Variants in RIC8B observed in about 807,000 individuals in gnomAD.
RIC8B encodes chaperone Ric-8B.
In RIC8B, 16 loss-of-function variants were observed where a neutral mutation model predicts 57.5. The ratio of observed to expected loss-of-function variants is 0.28; its 90% CI spans 0.19 to 0.42. The LOEUF (loss-of-function observed/expected upper bound fraction) is 0.42, where lower values mean the gene tolerates loss of function less well. Among genes scored for constraint, RIC8B ranks in the 10% least tolerant of loss-of-function variants. The pLI, the probability that RIC8B is intolerant of heterozygous loss-of-function variation, is 1.00. For synonymous variants in RIC8B, 216 were observed against 250.8 expected (o/e 0.86, Z 1.31); for missense variants, 481 against 677.0 (o/e 0.71, Z 3.21).
chr12:106,793,924 G>A (rs2044363532), intron 2 of RIC8B, among the ~76,000 whole-genome samples: 1 of 143,088 alleles, frequency 7.0e-6, no homozygotes. Flanking sequence ...GTTTCCATGG[G>A]CGGGGTGGGG....
chr12:106,840,781 G>A (rs1421423219), intron 4 of RIC8B, among the ~76,000 whole-genome samples: 1 of 152,074 alleles, frequency 6.6e-6, no homozygotes, highest in African/African-American at 2.4e-5. Context: ...AATTTAAAGG[G>A]GAAACATTCC....
chr12:106,787,632 A>G (rs772085973), intron 2 of RIC8B, among the ~76,000 whole-genome samples: 2 of 152,118 alleles, frequency 1.3e-5, no homozygotes, highest in African/African-American at 4.8e-5. Flanking sequence ...CCCTGCTTGC[A>G]TGGTGGTGGC....
intron 9 of RIC8B, among the ~76,000 whole-genome samples, chr12:106,874,322 G>T (rs546730087): frequency 3.7e-4 from 57 of 152,174 alleles, no homozygotes; most frequent in Non-Finnish European, 6.0e-4. Flanking sequence ...TCGTTATTGT[G>T]CTAAGAGTGT....
At chr12:106,832,872 A>G (rs1230028643) in intron 4 of RIC8B, among the ~76,000 whole-genome samples, 1 of 152,172 alleles carries the variant, frequency 6.6e-6, no homozygotes, top group Non-Finnish European at 1.5e-5. Context: ...GCCCAAGGTT[A>G]ATGCCCACAC....
chr12:106,844,673 G>A (rs1949107207), intron 6 of RIC8B, among the ~76,000 whole-genome samples: 1 of 152,202 alleles, frequency 6.6e-6, no homozygotes, highest in Non-Finnish European at 1.5e-5. Flanking sequence ...ACATAGTGGA[G>A]CACAAATGGA....
chr12:106,806,773 G>A (rs1199937729), intron 2 of RIC8B, among the ~76,000 whole-genome samples: 3 of 152,082 alleles, frequency 2.0e-5, no homozygotes, highest in Admixed American at 2.0e-4. Flanking sequence ...GAGATTGCAC[G>A]CGCCAAGATC....
rs192224298 is a variant in RIC8B at position 106,783,842 on chromosome 12, G to A, written c.85-155G>A. 2.1e-3 allele frequency among the ~76,000 whole-genome samples: 327 copies of A among 152,158 alleles called. 4 individuals carry two copies. The highest frequency in any genetic ancestry group is 2.2e-3 in the Non-Finnish European group (153 of 68,004). ...TTTTCACACTGCTTTATAACTATTT[G>A]TTTACATGCCTGTCTCCCTTACTTT... On this transcript the variant is annotated intron_variant, in intron 1 of 9. Transcript: ENST00000392837.
chr12:106,824,546 A>G (rs1444351136), intron 3 of RIC8B, among the ~76,000 whole-genome samples: 1 of 152,178 alleles, frequency 6.6e-6, no homozygotes, highest in Non-Finnish European at 1.5e-5. Flanking sequence ...TATAGGATGT[A>G]TGTGTATAAT....
At chr12:106,851,386 T>C (rs1949471664) in intron 6 of RIC8B, 64 bp from the exon 7 acceptor site, 5 of 1,423,992 alleles carry the variant, frequency 3.5e-6, no homozygotes, top group Non-Finnish European at 4.8e-6. Flanking sequence ...GCCAGTTGCA[T>C]TGTACCATCC....
At position 106,814,761 on chromosome 12, in the gene RIC8B, C is replaced by T. The variant is rs754073955; in HGVS notation, c.198C>T (p.Cys66=). The change falls in exon 3 of 10, where the codon TGC becomes TGT. Residue 66 remains cysteine, a synonymous_variant. Coordinates refer to ENST00000392837, the MANE Select transcript of RIC8B (RefSeq NM_001330145.2). ...TCCCAACAACATGTCAAGTGTCCTG[C>T]CTGGAAGTACTCCGCATTCTCTCCA... ...KDIPTTCQVS[C]LEVLRILSRD... is the part of the protein sequence containing the mutation. 3 of 1,613,960 alleles carry T rather than the reference C, an allele frequency of 1.9e-6. No individual in the cohort carries two copies. Among genetic ancestry groups the T allele is most frequent in the Non-Finnish European group, 1.7e-6 (2 of 1,179,850 alleles).
At chr12:106,842,844 G>C (rs975322494) in intron 5 of RIC8B, 27 bp downstream of exon 5, 5 of 1,392,206 alleles carry the variant, frequency 3.6e-6, no homozygotes, top group Middle Eastern at 1.8e-4. Context: ...GGAAGCCCTG[G>C]GAAGATGCTT....
intron 7 of RIC8B, among the ~76,000 whole-genome samples, chr12:106,855,053 A>G (rs977226892): frequency 2.6e-5 from 4 of 152,210 alleles, no homozygotes; most frequent in African/African-American, 9.6e-5. Context: ...TTAAAAGAAG[A>G]TGATTTGTAA....
chr12:106,841,519 C>T (rs546848387), intron 4 of RIC8B, among the ~76,000 whole-genome samples: 150 of 152,208 alleles, frequency 9.9e-4, no homozygotes, highest in Middle Eastern at 3.4e-3. Context: ...GTAGAAGGAG[C>T]TACTGGTCTA....
chr12:106,809,106 G>T lies in RIC8B; in HGVS notation c.133-5590G>T, dbSNP rs537325810. ...ACATGCTCAAAATCACAATAAATCG[G>T]AGACAGCTATGGTATGATCATAATT... On this transcript the variant is annotated intron_variant, in intron 2 of 9. Coordinates refer to ENST00000392837, the MANE Select transcript of RIC8B (RefSeq NM_001330145.2). Among the ~76,000 whole-genome samples the T allele has an allele frequency of 1.5e-4, 23 of 152,262 alleles. 1 individual carries two copies. In the East Asian group the frequency reaches 3.9e-3, roughly 26 times the overall value.
At chr12:106,827,037 T>C (rs1003838003) in intron 4 of RIC8B, among the ~76,000 whole-genome samples, 3 of 152,174 alleles carry the variant, frequency 2.0e-5, no homozygotes, top group Admixed American at 6.5e-5. Context: ...ATTCCGCCAC[T>C]GTACTCCAGC....
chr12:106,865,754 T>C (rs958315608), intron 8 of RIC8B, among the ~76,000 whole-genome samples: 8 of 152,152 alleles, frequency 5.3e-5, no homozygotes, highest in African/African-American at 1.9e-4. Flanking sequence ...AGTGGGATCC[T>C]TTTAATATGT....
chr12:106,801,515 G>A (rs956871391), intron 2 of RIC8B, among the ~76,000 whole-genome samples: 1 of 152,120 alleles, frequency 6.6e-6, no homozygotes, highest in Non-Finnish European at 1.5e-5. Flanking sequence ...ATGAAATTTA[G>A]GAAGTGAGAT....
At chr12:106,781,820 T>A (rs1593067631) in intron 1 of RIC8B, among the ~76,000 whole-genome samples, 1 of 152,136 alleles carries the variant, frequency 6.6e-6, no homozygotes, top group South Asian at 2.1e-4. Context: ...ATTTTACATA[T>A]AATGGCAAAA....
intron 1 of RIC8B, among the ~76,000 whole-genome samples, chr12:106,781,536 C>T (rs1397154633): frequency 1.3e-5 from 2 of 152,248 alleles, no homozygotes; most frequent in South Asian, 2.1e-4. Flanking sequence ...AATAGATTGG[C>T]GCATTCCAGA....
Sources: gnomAD v4.1 joint callset for allele counts (sites outside exome capture counted in the v4.1 genomes callset) on GRCh38, gnomAD v4.1.1 for gene constraint, MANE v1.5 for transcripts, NCBI Gene and HGNC (gene_info 2026-07-23, HGNC 2026-07-21) for gene names.